Variants in KIAA1549L observed in about 807,000 individuals in gnomAD.
The protein encoded by KIAA1549L is KIAA1549 like.
Under a neutral mutation model 160.7 loss-of-function variants are expected in KIAA1549L, and 88 were observed. The observed-to-expected ratio is 0.55, with a 90% confidence interval of 0.46 to 0.65. The LOEUF is 0.65. KIAA1549L is among the 30% of genes least tolerant of loss of function. The pLI is 0.00. For synonymous variants in KIAA1549L, 950 were observed against 976.7 expected, an observed-to-expected ratio of 0.97 and a Z score of 0.51; for missense variants, 2,258 against 2,437.5, an observed-to-expected ratio of 0.93 and a Z score of 1.55.
intron 1 of KIAA1549L, among the ~76,000 whole-genome samples, chr11:33,478,470 G>A (rs2133042512): frequency 6.6e-6 from 1 of 152,354 alleles, no homozygotes; most frequent in Admixed American, 6.5e-5. Flanking sequence ...TAACCACATG[G>A]AGCGGATTTC....
At chr11:33,515,537 G>T (rs867779246) in intron 1 of KIAA1549L, among the ~76,000 whole-genome samples, 1 of 152,248 alleles carries the variant, frequency 6.6e-6, no homozygotes. Context: ...AGCCATGGGG[G>T]AGATGACACA....
At chr11:33,503,556 A>T (rs1377644578) in intron 1 of KIAA1549L, among the ~76,000 whole-genome samples, 1 of 152,244 alleles carries the variant, frequency 6.6e-6, no homozygotes, top group Non-Finnish European at 1.5e-5. Flanking sequence ...TTTTCCCTTT[A>T]CAAAGGAATT....
chr11:33,539,440 A>G (rs1456506822), intron 1 of KIAA1549L, among the ~76,000 whole-genome samples: 2 of 152,192 alleles, frequency 1.3e-5, no homozygotes, highest in Non-Finnish European at 2.9e-5. Context: ...TTATGTTTCA[A>G]TGACAACCTC....
chr11:33,470,157 T>G (rs1204462850), intron 1 of KIAA1549L, among the ~76,000 whole-genome samples: 1 of 152,222 alleles, frequency 6.6e-6, no homozygotes, highest in Admixed American at 6.5e-5. Flanking sequence ...AGCTCTTACA[T>G]TTAGGTTCAT....
chr11:33,656,737 C>G (rs987664339), intron 18 of KIAA1549L, among the ~76,000 whole-genome samples: 3 of 152,194 alleles, frequency 2.0e-5, no homozygotes, highest in Non-Finnish European at 2.9e-5. Flanking sequence ...CTTCCCCCAA[C>G]ATACAAATCA....
intron 15 of KIAA1549L, among the ~76,000 whole-genome samples, chr11:33,614,575 T>C (rs1301288454): frequency 5.4e-5 from 1 of 18,594 alleles, no homozygotes; most frequent in Non-Finnish European, 9.0e-5. Flanking sequence ...TATATATATA[T>C]ATATATATAT....
intron 16 of KIAA1549L, among the ~76,000 whole-genome samples, chr11:33,627,336 C>G (rs1478064033): frequency 2.7e-5 from 4 of 149,816 alleles, no homozygotes; most frequent in African/African-American, 9.9e-5. Context: ...GGAATGGTAC[C>G]AGTTCCTCCT....
At chr11:33,401,325 T>C (rs1365665811) in intron 1 of KIAA1549L, among the ~76,000 whole-genome samples, 1 of 148,136 alleles carries the variant, frequency 6.8e-6, no homozygotes, top group African/African-American at 2.5e-5. Context: ...AATATACATA[T>C]ATTTGAAGGT....
intron 15 of KIAA1549L, among the ~76,000 whole-genome samples, chr11:33,611,529 A>G (rs142585472): frequency 1.2e-3 from 188 of 152,298 alleles, no homozygotes; most frequent in African/African-American, 4.5e-3. Context: ...CAAGCTATTG[A>G]TATCAAATCA....
intron 18 of KIAA1549L, among the ~76,000 whole-genome samples, chr11:33,658,139 G>A (rs1852131210): frequency 6.6e-6 from 1 of 152,240 alleles, no homozygotes; most frequent in South Asian, 2.1e-4. Flanking sequence ...TGAGCACTAA[G>A]TGGAAATAGG....
chr11:33,548,165 C>T (rs1476789884), intron 4 of KIAA1549L, among the ~76,000 whole-genome samples: 3 of 151,994 alleles, frequency 2.0e-5, no homozygotes, highest in African/African-American at 4.8e-5. Context: ...TTTGGGAGGC[C>T]GAGGCAGGTG....
intron 13 of KIAA1549L, among the ~76,000 whole-genome samples, chr11:33,605,662 A>T (rs1179253488): frequency 6.6e-6 from 1 of 152,328 alleles, no homozygotes; most frequent in African/African-American, 2.4e-5. Flanking sequence ...TTTAAATAAC[A>T]TCCCAATCTC....
intron 1 of KIAA1549L, among the ~76,000 whole-genome samples, chr11:33,426,734 A>G (rs1478469929): frequency 2.6e-5 from 4 of 152,208 alleles, no homozygotes; most frequent in Non-Finnish European, 5.9e-5. Flanking sequence ...AGAGAGATTC[A>G]TTTGCCCAAG....
rs527322478 is a variant in KIAA1549L, at chr11:33,441,027, G to A, written c.238+64138G>A. Among the ~76,000 whole-genome samples, 1,301 of 151,512 alleles carry A rather than the reference G, an allele frequency of 8.6e-3. 5 individuals carry two copies. Among genetic ancestry groups the A allele is most frequent in the Middle Eastern group, 0.014 (4 of 292 alleles). ...GTTGGTGTGCTACACCCATTAACTT[G>A]TCATTTAGCATTAGGTATATCTTCT... is the stretch of plus-strand genomic sequence containing the variant. On this transcript the variant is annotated intron_variant, in intron 1 of 20. Coordinates refer to ENST00000658780, the MANE Select transcript of KIAA1549L (RefSeq NM_012194.3).
chr11:33,403,260 G>GAC (rs1565121709), intron 1 of KIAA1549L: 1 of 3,442 alleles, frequency 2.9e-4, no homozygotes, highest in African/African-American at 1.0e-3. Context: ...CACACACACA[G>GAC]ACACAGACAC....
intron 13 of KIAA1549L, among the ~76,000 whole-genome samples, chr11:33,600,323 G>A (rs1850322680): frequency 6.6e-6 from 1 of 152,160 alleles, no homozygotes; most frequent in African/African-American, 2.4e-5. Context: ...GGAGTCAGAG[G>A]TGCTCTAGAT....
chr11:33,422,069 G>C (rs550258362), intron 1 of KIAA1549L, among the ~76,000 whole-genome samples: 1 of 152,116 alleles, frequency 6.6e-6, no homozygotes, highest in East Asian at 1.9e-4. Context: ...CCTCCCCCAT[G>C]AAGTCCATGT....
chr11:33,558,839 C>CTT (rs567011766), intron 6 of KIAA1549L, among the ~76,000 whole-genome samples: 17 of 140,608 alleles, frequency 1.2e-4, no homozygotes, highest in East Asian at 1.0e-3. Context: ...TTTTTCTTTT[C>CTT]TTTTTTTTTT....
intron 1 of KIAA1549L, among the ~76,000 whole-genome samples, chr11:33,455,985 G>A (rs1851813606): frequency 6.6e-6 from 1 of 152,204 alleles, no homozygotes; most frequent in Non-Finnish European, 1.5e-5. Flanking sequence ...GTGGTCTGAT[G>A]TGTGAGTGAT....
Sources: gnomAD v4.1 joint callset for allele counts (sites outside exome capture counted in the v4.1 genomes callset) on GRCh38, gnomAD v4.1.1 for gene constraint, MANE v1.5 for transcripts, NCBI Gene and HGNC (gene_info 2026-07-23, HGNC 2026-07-21) for gene names.